Variants in CCSER1 observed in about 807,000 individuals in gnomAD.
The protein encoded by CCSER1 is serine-rich coiled-coil domain-containing protein 1.
A neutral mutation model predicts 82.0 loss-of-function variants in CCSER1; 41 were observed. The ratio of observed to expected loss-of-function variants is 0.50; its 90% CI spans 0.39 to 0.65. CCSER1 has a LOEUF of 0.65. CCSER1 is among the 30% of genes least tolerant of loss of function. The pLI is 0.00. For missense variants in CCSER1, 1,119 were observed against 1,064.2 expected (o/e 1.05, Z -0.72); for synonymous variants, 414 against 383.9 (o/e 1.08, Z -0.92).
At chr4:90,275,165 G>A (rs1294951573) in intron 1 of CCSER1, among the ~76,000 whole-genome samples, 1 of 152,056 alleles carries the variant, frequency 6.6e-6, no homozygotes, top group Non-Finnish European at 1.5e-5. Flanking sequence ...GCCAGAACAT[G>A]GTCTCATAAT....
chr4:90,249,466 T>C (rs1429444861), intron 1 of CCSER1, among the ~76,000 whole-genome samples: 1 of 152,104 alleles, frequency 6.6e-6, no homozygotes, highest in African/African-American at 2.4e-5. Flanking sequence ...CCAAAAGAAA[T>C]GCAATTCTTA....
intron 8 of CCSER1, among the ~76,000 whole-genome samples, chr4:90,875,455 AT>A (rs1187474991): frequency 6.6e-6 from 1 of 152,154 alleles, no homozygotes; most frequent in African/African-American, 2.4e-5. Context: ...CATCTCATCT[AT>A]TTTTAGAGAA....
At chr4:90,796,850 G>A (rs939205968) in intron 7 of CCSER1, among the ~76,000 whole-genome samples, 4 of 152,096 alleles carry the variant, frequency 2.6e-5, no homozygotes, top group African/African-American at 4.8e-5. Flanking sequence ...TCAAGACATT[G>A]TTTTTTATGA....
chr4:90,692,822 C>A (rs1194224998), intron 6 of CCSER1, among the ~76,000 whole-genome samples: 1 of 151,798 alleles, frequency 6.6e-6, no homozygotes, highest in Non-Finnish European at 1.5e-5. Flanking sequence ...AAAAGAGTAT[C>A]AAATTAAACT....
At chr4:91,327,327 C>T (rs184493240) in intron 10 of CCSER1, among the ~76,000 whole-genome samples, 18 of 152,334 alleles carry the variant, frequency 1.2e-4, no homozygotes, top group Middle Eastern at 3.4e-3. Flanking sequence ...CCCAATACCA[C>T]GGGGAAGCCA....
intron 3 of CCSER1, among the ~76,000 whole-genome samples, chr4:90,389,433 A>G (rs1434119336): frequency 6.6e-6 from 1 of 152,224 alleles, no homozygotes; most frequent in Non-Finnish European, 1.5e-5. Flanking sequence ...TAACCAACAT[A>G]TTATAAAAAA....
chr4:91,261,356 T>C (rs1741117602), intron 10 of CCSER1, among the ~76,000 whole-genome samples: 1 of 152,212 alleles, frequency 6.6e-6, no homozygotes, highest in African/African-American at 2.4e-5. Flanking sequence ...CACTTTTCTC[T>C]TCAGAATAAT....
intron 9 of CCSER1, among the ~76,000 whole-genome samples, chr4:90,994,138 G>A (rs1052667870): frequency 1.3e-5 from 2 of 151,942 alleles, no homozygotes; most frequent in Non-Finnish European, 2.9e-5. Flanking sequence ...GTTCGAGGCT[G>A]TAGTGCATTA....
Position 90,780,803 on chromosome 4 carries a change from C to T in CCSER1, c.2011-34959C>T, listed in dbSNP as rs1000915209. The T allele has an allele frequency of 1.1e-5, 12 of 1,102,334 alleles. No individual in the cohort carries two copies. The Admixed American group carries it at 1.9e-4, about 17-fold the overall frequency. 68.3% of individuals were successfully genotyped at this position (1,102,334 alleles called of 1,614,324 possible). On this transcript the variant is annotated intron_variant, in intron 7 of 10. Transcript: ENST00000509176. Reference sequence around the variant, plus strand: ...TAAAGTATCAATATTTCCATATATGCGTGATCTTTTAGAGACCATAAACTG... The same window carrying T: ...TAAAGTATCAATATTTCCATATATGTGTGATCTTTTAGAGACCATAAACTG...
intron 1 of CCSER1, among the ~76,000 whole-genome samples, chr4:90,185,185 T>C (rs1392905689): frequency 6.6e-6 from 1 of 152,054 alleles, no homozygotes; most frequent in Non-Finnish European, 1.5e-5. Flanking sequence ...TCTACAATCT[T>C]TGGTGAGGAG....
At chr4:90,287,120 TTGCTAC>T (rs1730045283) in intron 1 of CCSER1, among the ~76,000 whole-genome samples, 1 of 151,786 alleles carries the variant, frequency 6.6e-6, no homozygotes, top group African/African-American at 2.4e-5. Context: ...ACATAGGACT[TTGCTAC>T]TGCTCCTAAA....
intron 3 of CCSER1, among the ~76,000 whole-genome samples, chr4:90,384,028 T>G (rs1348317639): frequency 6.6e-6 from 1 of 152,052 alleles, no homozygotes; most frequent in Non-Finnish European, 1.5e-5. Context: ...CTCCCCAAAC[T>G]CTGGGATTAA....
At chr4:90,145,874 A>C (rs1218884400) in intron 1 of CCSER1, among the ~76,000 whole-genome samples, 1 of 152,118 alleles carries the variant, frequency 6.6e-6, no homozygotes, top group Non-Finnish European at 1.5e-5. Flanking sequence ...TATAATGCTG[A>C]TCTATGCACT....
chr4:91,533,483 C>T (rs1381091210), intron 10 of CCSER1, among the ~76,000 whole-genome samples: 2 of 151,984 alleles, frequency 1.3e-5, no homozygotes, highest in East Asian at 1.9e-4. Flanking sequence ...AAGTTGATTA[C>T]GGTAGTTGAA....
intron 6 of CCSER1, among the ~76,000 whole-genome samples, chr4:90,639,509 G>A (rs935920053): frequency 6.6e-6 from 1 of 151,944 alleles, no homozygotes; most frequent in East Asian, 1.9e-4. Flanking sequence ...GGTTGTTCCA[G>A]GTGAGAACTC....
chr4:91,279,969 T>C (rs1742787036), intron 10 of CCSER1, among the ~76,000 whole-genome samples: 1 of 152,192 alleles, frequency 6.6e-6, no homozygotes, highest in Non-Finnish European at 1.5e-5. Context: ...TTAATTCTGG[T>C]CATGTGCCGT....
rs543582144 is a variant in CCSER1, at chr4:91,033,293, G to A, written c.2173-52657G>A. On this transcript the variant is annotated intron_variant, in intron 9 of 10. Coordinates refer to ENST00000509176, the MANE Select transcript of CCSER1 (RefSeq NM_001145065.2). ...GTGTAATCAGAGCCCATGTGGAGCT[G>A]GAGTCATGGAGAGGCTGACCAGTGA... Among the ~76,000 whole-genome samples, 75 of 152,142 alleles carry A rather than the reference G, an allele frequency of 4.9e-4. 1 individual carries two copies. The highest frequency in any genetic ancestry group is 1.6e-4 in the Non-Finnish European group (11 of 68,032).
intron 10 of CCSER1, among the ~76,000 whole-genome samples, chr4:91,114,180 A>T (rs1240601532): frequency 6.6e-6 from 1 of 152,150 alleles, no homozygotes; most frequent in Non-Finnish European, 1.5e-5. Flanking sequence ...AGAGTTGTTA[A>T]TTAGTGATGG....
At chr4:90,254,631 C>T (rs1722945325) in intron 1 of CCSER1, among the ~76,000 whole-genome samples, 1 of 152,080 alleles carries the variant, frequency 6.6e-6, no homozygotes, top group South Asian at 2.1e-4. Context: ...TGGGAAGAAA[C>T]TGTAGCCCTA....
Sources: gnomAD v4.1 joint callset for allele counts (sites outside exome capture counted in the v4.1 genomes callset) on GRCh38, gnomAD v4.1.1 for gene constraint, MANE v1.5 for transcripts, NCBI Gene and HGNC (gene_info 2026-07-23, HGNC 2026-07-21) for gene names.